ZNF653: variants seen among roughly 807,000 people sequenced by gnomAD.
The protein encoded by ZNF653 is zinc finger protein 653.
A neutral mutation model predicts 59.9 loss-of-function variants in ZNF653; 37 were observed. That is an observed-to-expected ratio of 0.62 (90% CI 0.48 to 0.81). The LOEUF is 0.81. Ranked by LOEUF, ZNF653 falls within the 40% of genes least tolerant of loss-of-function variation. The probability of loss-of-function intolerance (pLI) is 0.00; values close to 1 mark genes in which losing one functional copy is unlikely to be tolerated. For missense variants in ZNF653, 808 were observed against 881.1 expected (o/e 0.92, Z 1.05); for synonymous variants, 435 against 371.8 (o/e 1.17, Z -1.96).
chr19:11,483,614 G>A lies in ZNF653; in HGVS notation c.*68C>T, dbSNP rs988722023. On this transcript the variant is annotated 3_prime_UTR_variant, in exon 9 of 9. Coordinates refer to ENST00000293771, the MANE Select transcript of ZNF653 (RefSeq NM_138783.4). ...TCCGGGCGGCCCTCGCAGCTGTCCA[G>A]GCCCCGGCAAGCCCGGGCGTGGTGT... 7 of 1,563,148 alleles carry A rather than the reference G, an allele frequency of 4.5e-6. No individual in the cohort carries two copies. The highest frequency in any genetic ancestry group is 2.7e-5 in the African/African-American group (2 of 73,994).
intron 1 of ZNF653, among the ~76,000 whole-genome samples, chr19:11,502,961 G>C (rs565922346): frequency 6.6e-6 from 1 of 152,134 alleles, no homozygotes; most frequent in Admixed American, 6.5e-5. Context: ...TTGAACGCGG[G>C]AGGCAGAGGT....
intron 1 of ZNF653, among the ~76,000 whole-genome samples, chr19:11,502,372 G>A (rs1220623196): frequency 2.0e-5 from 3 of 152,222 alleles, no homozygotes; most frequent in Non-Finnish European, 4.4e-5. Context: ...GATTACAGGC[G>A]TGAGCTACCA....
At chr19:11,488,558 T>C (rs1421055980) in intron 3 of ZNF653, among the ~76,000 whole-genome samples, 2 of 151,810 alleles carry the variant, frequency 1.3e-5, no homozygotes, top group African/African-American at 4.8e-5. Context: ...AGTGTTAGAA[T>C]GACAGTCATG....
At chr19:11,503,801 G>A (rs1174266071) in intron 1 of ZNF653, among the ~76,000 whole-genome samples, 2 of 151,928 alleles carry the variant, frequency 1.3e-5, no homozygotes, top group Non-Finnish European at 2.9e-5. Flanking sequence ...GTGAGACCCT[G>A]TCTCAAGAAC....
intron 1 of ZNF653, among the ~76,000 whole-genome samples, chr19:11,498,679 G>A (rs752489304): frequency 6.6e-6 from 1 of 152,082 alleles, no homozygotes; most frequent in Non-Finnish European, 1.5e-5. Flanking sequence ...CCTGACCTCA[G>A]GTGATCCGCC....
intron 6 of ZNF653, among the ~76,000 whole-genome samples, 156 bp downstream of exon 6, chr19:11,486,613 T>C (rs1016559336): frequency 6.6e-6 from 1 of 152,242 alleles, no homozygotes; most frequent in Non-Finnish European, 1.5e-5. Flanking sequence ...TGTTGCATCC[T>C]CCCATGCCAG....
At chr19:11,501,323 C>A (rs1971642149) in intron 1 of ZNF653, among the ~76,000 whole-genome samples, 1 of 151,980 alleles carries the variant, frequency 6.6e-6, no homozygotes, top group South Asian at 2.1e-4. Context: ...GGACCACAGG[C>A]ATGCACCACC....
intron 2 of ZNF653, among the ~76,000 whole-genome samples, chr19:11,496,724 C>T (rs1249617242): frequency 6.6e-6 from 1 of 152,152 alleles, no homozygotes; most frequent in Admixed American, 6.6e-5. Context: ...AAAAATTGGC[C>T]GGCATGGTGG....
In ZNF653 at chr19:11,487,724, C is replaced by G; in HGVS notation, c.739G>C (p.Asp247His). Residue 247 changes from aspartate to histidine, a missense_variant, in exon 4 of 9, where the codon GAC (aspartate) becomes CAC (histidine). Transcript: ENST00000293771. The surrounding 1 kb of genome is among the most constrained non-coding windows in gnomAD (Gnocchi z 5.1). ...ITQEGVHIPF[D>H]VHHVESLAEQ... ...GCCAGGCTTTCCACGTGGTGGACGT[C>G]AAAGGGAATGTGCACGCCCTCCTGA... is the stretch of plus-strand genomic sequence containing the variant. The G allele has an allele frequency of 6.2e-7, 1 of 1,613,652 alleles. No individual in the cohort carries two copies. The highest frequency in any genetic ancestry group is 8.5e-7 in the Non-Finnish European group (1 of 1,179,932).
At chr19:11,498,431 A>T (rs1203232704) in intron 1 of ZNF653, 92 bp from the exon 2 acceptor site, 7 of 1,519,170 alleles carry the variant, frequency 4.6e-6, no homozygotes, top group East Asian at 4.5e-5. Context: ...GCCACTGCTC[A>T]TTGTACACTG....
At chr19:11,486,735 G>C in intron 6 of ZNF653, 34 bp downstream of exon 6, 1 of 1,545,134 alleles carries the variant, frequency 6.5e-7, no homozygotes, top group African/African-American at 1.4e-5. Context: ...GGCCTTGTGG[G>C]CCTGGCCCAG....
rs200510034 is a variant in ZNF653 at position 11,486,760 on chromosome 19, C to T, written c.1455+9G>A. 3.2e-4 allele frequency: 503 copies of T among 1,592,144 alleles called. No homozygotes were observed. Among genetic ancestry groups the T allele is most frequent in the Admixed American group, 5.1e-4 (29 of 57,214 alleles). ...GCCTGGCCCAGGCTGCTCCGGGTGG[C>T]GGCCTCACCTGGAAGCTGCTGAGGG... On this transcript the variant is annotated intron_variant, in intron 6 of 8. Transcript: ENST00000293771.
rs1364102913 is a variant in ZNF653 at position 11,498,320 on chromosome 19, G to A, written c.319C>T (p.Pro107Ser). The A allele has an allele frequency of 6.2e-7, 1 of 1,614,092 alleles. No homozygotes were observed. The highest frequency in any genetic ancestry group is 8.5e-7 in the Non-Finnish European group (1 of 1,179,964). The stretch of plus-strand genomic sequence containing the variant: ...CTTTTCTTCCGCTTTGGCTTTTTGG[G>A]GACCTGCTCCCAAGGCTTCCTGCAA... ...GRHGKPWEQV[P>S]KKPKRKKRRR... The change falls in exon 2 of 9, where the codon CCC becomes TCC. Residue 107 changes from proline (P) to serine (S), a missense_variant. Physicochemically the swap from Pro to Ser is moderately conservative, Grantham distance 74. Coordinates refer to ENST00000293771, the MANE Select transcript of ZNF653 (RefSeq NM_138783.4).
chr19:11,486,266 G>A (rs1971464705), intron 6 of ZNF653, among the ~76,000 whole-genome samples: 1 of 152,200 alleles, frequency 6.6e-6, no homozygotes. Flanking sequence ...GCCAAGGGCA[G>A]CTTTATTGAA....
Position 11,484,062 on chromosome 19 carries a change from G to A in ZNF653, c.1650C>T (p.His550=). Residue 550 remains histidine (H), a synonymous_variant, in exon 8 of 9, where the codon CAC becomes CAT. Transcript: ENST00000293771. ...CTCACTGCAGGGGGGTCTCGCCGGT[G>A]TGGGTGCGCCGATGTACCTCCAGGT... The part of the protein sequence containing the change: ...KNHLEVHRRT[H]TGETPLQCEI... The A allele has an allele frequency of 1.3e-6, 2 of 1,558,490 alleles. No individual in the cohort carries two copies. Among genetic ancestry groups the A allele is most frequent in the Non-Finnish European group, 8.7e-7 (1 of 1,150,930 alleles).
At position 11,486,761 on chromosome 19, in the gene ZNF653, G is replaced by A. The variant is rs373520824; in HGVS notation, c.1455+8C>T. 2.2e-4 allele frequency: 358 copies of A among 1,595,304 alleles called. No homozygotes were observed. The highest frequency in any genetic ancestry group is 2.9e-4 in the Non-Finnish European group (338 of 1,171,242). ...CCTGGCCCAGGCTGCTCCGGGTGGC[G>A]GCCTCACCTGGAAGCTGCTGAGGGC... On this transcript the variant is annotated splice_region_variant and intron_variant, in intron 6 of 8. Transcript: ENST00000293771.
intron 1 of ZNF653, among the ~76,000 whole-genome samples, chr19:11,504,320 G>A (rs1244090646): frequency 6.6e-6 from 1 of 152,064 alleles, no homozygotes; most frequent in Non-Finnish European, 1.5e-5. Context: ...AGAATGGCGT[G>A]AACCCGGGAG....
chr19:11,488,891 C>T (rs551691469), intron 3 of ZNF653, among the ~76,000 whole-genome samples: 12 of 150,886 alleles, frequency 8.0e-5, no homozygotes, highest in South Asian at 4.2e-4. Flanking sequence ...CCACCGCATC[C>T]GGCCTGAGTT....
intron 1 of ZNF653, among the ~76,000 whole-genome samples, chr19:11,503,433 CTCT>C (rs748100607): frequency 3.3e-5 from 5 of 152,204 alleles, no homozygotes; most frequent in African/African-American, 1.2e-4. Flanking sequence ...CCAACTCACA[CTCT>C]TCATTTCACT....
Sources: allele counts gnomAD v4.1 joint callset (sites outside exome capture counted in the v4.1 genomes callset), GRCh38; gene constraint gnomAD v4.1.1; non-coding constraint Gnocchi (gnomAD v3.1); transcripts MANE v1.5; gene names NCBI Gene and HGNC (gene_info 2026-07-23, HGNC 2026-07-21).